The following CASS4 variants were observed in gnomAD, a reference collection of about 807,000 sequenced individuals.
CASS4 encodes the protein Cas scaffold protein family member 4, also known as cas scaffolding protein family member 4.
A neutral mutation model predicts 54.2 loss-of-function variants in CASS4; 22 were observed. That is an observed-to-expected ratio of 0.41 (90% CI 0.29 to 0.58). The LOEUF (loss-of-function observed/expected upper bound fraction) is 0.58, where lower values mean the gene tolerates loss of function less well. Ranked by LOEUF, CASS4 falls within the 20% of genes least tolerant of loss-of-function variation. The probability of loss-of-function intolerance (pLI) is 0.36; values close to 1 mark genes in which losing one functional copy is unlikely to be tolerated. For synonymous variants in CASS4, 409 were observed against 391.5 expected, an observed-to-expected ratio of 1.04 and a Z score of -0.53; for missense variants, 854 against 986.7, an observed-to-expected ratio of 0.87 and a Z score of 1.80.
Position 56,437,593 on chromosome 20 carries a change from A to G in CASS4, c.459+7A>G, listed in dbSNP as rs754025388. On this transcript the variant is annotated splice_region_variant and intron_variant, in intron 2 of 5. Transcript: ENST00000679887. This position sits in a 1 kb window ranked among gnomAD's most constrained non-coding sequence, Gnocchi z 4.7. ...TCTCAGCTTTCCAAAACAGGTACGCATACTTCCACCTACTAGACATGGGTT... is the reference window on the plus strand; with the variant it reads ...TCTCAGCTTTCCAAAACAGGTACGCGTACTTCCACCTACTAGACATGGGTT... 2.6e-6 allele frequency: 4 copies of G among 1,524,050 alleles called. No homozygotes were observed. Among genetic ancestry groups the G allele is most frequent in the Admixed American group, 2.1e-5 (1 of 46,642 alleles). The allele number at this position is 1,524,050 out of a possible 1,614,324, so 94.4% of individuals were successfully genotyped here.
At chr20:56,432,980 T>A (rs1434918317) in intron 1 of CASS4, among the ~76,000 whole-genome samples, 1 of 152,230 alleles carries the variant, frequency 6.6e-6, no homozygotes, top group African/African-American at 2.4e-5. Context: ...TTCTTACCTC[T>A]TAAAGACTTG....
At chr20:56,416,742 A>C (rs185965438) in intron 1 of CASS4, among the ~76,000 whole-genome samples, 35 of 152,262 alleles carry the variant, frequency 2.3e-4, no homozygotes, top group Non-Finnish European at 5.9e-5. Flanking sequence ...ATTTGATTCT[A>C]TTTTAAACCT....
chr20:56,415,144 C>T (rs887568184), intron 1 of CASS4, among the ~76,000 whole-genome samples: 1 of 152,152 alleles, frequency 6.6e-6, no homozygotes, highest in Non-Finnish European at 1.5e-5. Flanking sequence ...CAGGGGTTGG[C>T]AAACTCTTCA....
intron 3 of CASS4, among the ~76,000 whole-genome samples, chr20:56,447,793 C>A (rs766244581): frequency 2.0e-4 from 30 of 152,218 alleles, no homozygotes; most frequent in Non-Finnish European, 4.0e-4. Context: ...GACAAACACA[C>A]AAGCTCCCTT....
rs758859344 is a variant in CASS4, at chr20:56,452,023, C to T, written c.847C>T (p.Pro283Ser). The change falls in exon 5 of 6, where the codon CCA becomes TCA. Residue 283 changes from proline to serine, a missense_variant. Physicochemically the swap from Pro to Ser is moderately conservative, Grantham distance 74. Coordinates refer to ENST00000679887, the MANE Select transcript of CASS4 (RefSeq NM_020356.4). ...PSSSSTFYNP[P>S]SGRSRSLTPQ... ...TTCCAGCTCCACTTTCTACAATCCT[C>T]CAAGTGGCAGATCCAGGTCCCTCAC... The T allele has an allele frequency of 1.2e-6, 2 of 1,614,192 alleles. No individual in the cohort carries two copies. The highest frequency in any genetic ancestry group is 2.2e-5 in the East Asian group (1 of 44,882).
chr20:56,416,407 T>A lies in CASS4; in HGVS notation c.36+3913T>A, dbSNP rs143738001. On this transcript the variant is annotated intron_variant, in intron 1 of 5. Coordinates refer to ENST00000679887, the MANE Select transcript of CASS4 (RefSeq NM_020356.4). Reference sequence around the variant, plus strand: ...TAAAAGACAAGGAGGATAAGTGGGCTTATTATACGTAAGTTCTTATTTTGG... The same window carrying A: ...TAAAAGACAAGGAGGATAAGTGGGCATATTATACGTAAGTTCTTATTTTGG... Among the ~76,000 whole-genome samples, 3 of 152,354 alleles carry A rather than the reference T, an allele frequency of 2.0e-5. No homozygotes were observed. In the East Asian group the frequency reaches 5.8e-4, roughly 29 times the overall value.
chr20:56,447,856 CA>C (rs11479650), intron 3 of CASS4, among the ~76,000 whole-genome samples: 30,461 of 152,096 alleles, frequency 0.2, 3,510 homozygotes, highest in East Asian at 0.55. Context: ...TAAAAGTTAT[CA>C]ATGGGCCGGG....
intron 3 of CASS4, 146 bp downstream of exon 3, chr20:56,446,147 A>G (rs1433097676): frequency 1.2e-5 from 7 of 569,380 alleles, no homozygotes; most frequent in South Asian, 9.5e-5. Context: ...TCAGAGGCCA[A>G]CTTCATAACC....
At chr20:56,419,071 A>AC (rs749724924) in intron 1 of CASS4, among the ~76,000 whole-genome samples, 4 of 152,294 alleles carry the variant, frequency 2.6e-5, no homozygotes, top group East Asian at 1.9e-4. Context: ...ATAGACAGGC[A>AC]TTGGCCGACA....
rs1981539064 is a variant in CASS4 at position 56,460,254 on chromosome 20, C to T, written c.*1507C>T. On this transcript the variant is annotated 3_prime_UTR_variant, in exon 6 of 6. Transcript: ENST00000679887. ...CAATTTGAAAAATTTTATATTTTGT[C>T]TCAAATCTGTTACAATTTATATTGG... is the stretch of plus-strand genomic sequence containing the variant. The T allele has an allele frequency of 6.6e-6, 1 of 152,338 alleles. No homozygotes were observed. The highest frequency in any genetic ancestry group is 1.5e-5 in the Non-Finnish European group (1 of 67,982). The allele number at this position is 152,338 out of a possible 1,614,324, so 9.4% of individuals were successfully genotyped here.
chr20:56,449,779 G>A (rs1479441212), intron 3 of CASS4, among the ~76,000 whole-genome samples: 1 of 152,064 alleles, frequency 6.6e-6, no homozygotes, highest in East Asian at 1.9e-4. Context: ...TTTTATTGCT[G>A]TCGTGATGTG....
chr20:56,443,996 G>A (rs533185309), intron 2 of CASS4, among the ~76,000 whole-genome samples: 1 of 152,148 alleles, frequency 6.6e-6, no homozygotes, highest in South Asian at 2.1e-4. Flanking sequence ...GTCACTCAAC[G>A]AAGGGGGCTG....
chr20:56,451,695 T>C, intron 4 of CASS4, 124 bp from the exon 5 acceptor site: 1 of 715,172 alleles, frequency 1.4e-6, no homozygotes, highest in Non-Finnish European at 2.4e-6. Flanking sequence ...CTGAAGGACC[T>C]TGAGTGGTAA....
chr20:56,456,721 G>C (rs928443737), intron 5 of CASS4, among the ~76,000 whole-genome samples: 33 of 150,188 alleles, frequency 2.2e-4, no homozygotes, highest in Admixed American at 4.0e-4. Context: ...CTCTGTTGCT[G>C]AGGCTAGAGT....
chr20:56,439,367 A>G (rs1360869961), intron 2 of CASS4, among the ~76,000 whole-genome samples: 1 of 151,800 alleles, frequency 6.6e-6, no homozygotes. Flanking sequence ...GAGGAAAAAG[A>G]GCATTCATTA....
At chr20:56,449,591 C>T (rs1375834624) in intron 3 of CASS4, among the ~76,000 whole-genome samples, 3 of 151,596 alleles carry the variant, frequency 2.0e-5, no homozygotes, top group African/African-American at 4.9e-5. Context: ...GCACATGTAC[C>T]TTAGAACTTA....
chr20:56,413,587 C>G (rs1340903921), intron 1 of CASS4, among the ~76,000 whole-genome samples: 1 of 147,812 alleles, frequency 6.8e-6, no homozygotes, highest in South Asian at 2.2e-4. Flanking sequence ...GCACAAGAAT[C>G]GCTTGAGCCT....
chr20:56,437,303 G>A lies in CASS4; in HGVS notation c.176G>A (p.Arg59Lys), dbSNP rs370335675. Residue 59 changes from arginine to lysine, a missense_variant, in exon 2 of 6, where the codon AGG becomes AAG. Coordinates refer to ENST00000679887, the MANE Select transcript of CASS4 (RefSeq NM_020356.4). This position sits in a 1 kb window ranked among gnomAD's most constrained non-coding sequence, Gnocchi z 4.7. Reference sequence around the variant, plus strand: ...TGGTGGAAGTGTTTGCTCCATGGGAGGCAAGGCCTGGCCCCTGCCAACCGC... The same window carrying A: ...TGGTGGAAGTGTTTGCTCCATGGGAAGCAAGGCCTGGCCCCTGCCAACCGC... ...EGWWKCLLHG[R>K]QGLAPANRLQ... is the part of the protein sequence containing the mutation. 1 of 1,614,138 alleles carries A rather than the reference G, an allele frequency of 6.2e-7. No homozygotes were observed. Among genetic ancestry groups the A allele is most frequent in the African/African-American group, 1.3e-5 (1 of 75,068 alleles).
chr20:56,453,070 A>G lies in CASS4; in HGVS notation c.1894A>G (p.Arg632Gly), dbSNP rs765762144. Residue 632 changes from arginine to glycine, a missense_variant, in exon 5 of 6, where the codon AGG becomes GGG. Transcript: ENST00000679887. The stretch of plus-strand genomic sequence containing the variant: ...AAAGAGTACCCCTTCCACTAAGCAA[A>G]GGGAAGATGAACACTCTTCTGAACT... Reference protein sequence around the residue: ...HQKSTPSTKQREDEHSSELLK... With the variant: ...HQKSTPSTKQGEDEHSSELLK... 2.4e-5 allele frequency: 39 copies of G among 1,614,128 alleles called. No individual in the cohort carries two copies. Among genetic ancestry groups the G allele is most frequent in the Non-Finnish European group, 5.9e-6 (7 of 1,180,018 alleles).
Sources: allele counts gnomAD v4.1 joint callset (sites outside exome capture counted in the v4.1 genomes callset), GRCh38; gene constraint gnomAD v4.1.1; non-coding constraint Gnocchi (gnomAD v3.1); transcripts MANE v1.5; gene names NCBI Gene and HGNC (gene_info 2026-07-23, HGNC 2026-07-21).